The following PCDH11X variants were observed in gnomAD, a reference collection of about 807,000 sequenced individuals.
PCDH11X encodes the protein protocadherin 11 X-linked.
Under a neutral mutation model 53.3 loss-of-function variants are expected in PCDH11X, and 18 were observed. The ratio of observed to expected loss-of-function variants is 0.34; its 90% CI spans 0.23 to 0.50. The LOEUF is 0.50. Ranked by LOEUF, PCDH11X falls within the 20% of genes least tolerant of loss-of-function variation. The pLI is 0.98. For missense variants in PCDH11X, 570 were observed against 1,032.4 expected, an observed-to-expected ratio of 0.55 and a Z score of 6.14; for synonymous variants, 279 against 393.3, an observed-to-expected ratio of 0.71 and a Z score of 3.44.
intron 8 of PCDH11X, among the ~76,000 whole-genome samples, chrX:92,386,861 G>A (rs1172614976): frequency 9.7e-6 from 1 of 103,614 alleles, no homozygotes; most frequent in Non-Finnish European, 2.0e-5. Flanking sequence ...AAGCTACAAG[G>A]TTTGATTACA....
rs2074648724 is a variant in PCDH11X at position 92,535,859 on chromosome X, G to T, written c.3367+67537G>T. On this transcript the variant is annotated intron_variant, in intron 10 of 10. Coordinates refer to ENST00000682573, the MANE Select transcript of PCDH11X (RefSeq NM_032968.5). ...CTTAAGTCTTTCCTATCCTAAAATT[G>T]ACAAAAGATTTTAAGAAGCTTAATT... Among the ~76,000 whole-genome samples, 3 of 109,578 alleles carry T rather than the reference G, an allele frequency of 2.7e-5. 1 individual carries two copies. In the South Asian group the frequency reaches 1.2e-3, roughly 44 times the overall value.
intron 1 of PCDH11X, among the ~76,000 whole-genome samples, chrX:91,783,573 A>G (rs1209651735): frequency 3.6e-5 from 4 of 112,144 alleles, no homozygotes; most frequent in African/African-American, 9.7e-5. Context: ...GAAAGCAGAA[A>G]ATTCTTTTTC....
At chrX:92,098,783 G>A (rs1473321198) in intron 6 of PCDH11X, among the ~76,000 whole-genome samples, 1 of 108,974 alleles carries the variant, frequency 9.2e-6, no homozygotes, top group Non-Finnish European at 1.9e-5. Flanking sequence ...GAGTAGCTGG[G>A]ATTACAGGCA....
At chrX:92,361,146 C>G (rs2070337864) in intron 8 of PCDH11X, among the ~76,000 whole-genome samples, 1 of 110,329 alleles carries the variant, frequency 9.1e-6, no homozygotes, top group Admixed American at 9.7e-5. Flanking sequence ...CTTCTCTTGT[C>G]TATACTTTTC....
chrX:92,104,408 G>A (rs1333591917), intron 6 of PCDH11X, among the ~76,000 whole-genome samples: 1 of 110,700 alleles, frequency 9.0e-6, no homozygotes, highest in Non-Finnish European at 1.9e-5. Flanking sequence ...GTTGCACTGG[G>A]CACAGAGACT....
At chrX:92,384,779 G>A (rs989884557) in intron 8 of PCDH11X, among the ~76,000 whole-genome samples, 12 of 106,889 alleles carry the variant, frequency 1.1e-4, no homozygotes, top group Non-Finnish European at 2.1e-4. Context: ...CTTAGGAGCA[G>A]TTTAGGGAGG....
intron 7 of PCDH11X, among the ~76,000 whole-genome samples, chrX:92,217,761 C>A (rs1308725593): frequency 9.0e-6 from 1 of 111,110 alleles, no homozygotes; most frequent in Non-Finnish European, 1.9e-5. Context: ...TTGTTTTCAG[C>A]ACCACACCAC....
At chrX:91,880,785 C>T (rs2563397) in intron 6 of PCDH11X, among the ~76,000 whole-genome samples, 1 of 111,052 alleles carries the variant, frequency 9.0e-6, no homozygotes, top group Non-Finnish European at 1.9e-5. Flanking sequence ...GGGCAACAAA[C>T]GTTAAGAGAT....
At chrX:92,215,642 A>G (rs2066688338) in intron 7 of PCDH11X, among the ~76,000 whole-genome samples, 1 of 87,305 alleles carries the variant, frequency 1.1e-5, no homozygotes, top group African/African-American at 4.1e-5. Flanking sequence ...ACAAACAAAA[A>G]GACAGCAGTA....
intron 8 of PCDH11X, among the ~76,000 whole-genome samples, chrX:92,340,524 C>G (rs1263834053): frequency 8.9e-6 from 1 of 112,170 alleles, no homozygotes; most frequent in African/African-American, 3.2e-5. Flanking sequence ...ACTCAGTGCA[C>G]CCACAGGCTT....
chrX:91,917,813 GA>G (rs1320248837), intron 6 of PCDH11X, among the ~76,000 whole-genome samples: 24 of 109,625 alleles, frequency 2.2e-4, no homozygotes, highest in African/African-American at 7.9e-4. Context: ...CACAGAACCA[GA>G]AAAAAACTAT....
chrX:92,105,444 C>T (rs1402453085), intron 6 of PCDH11X, among the ~76,000 whole-genome samples: 3 of 110,036 alleles, frequency 2.7e-5, no homozygotes, highest in Non-Finnish European at 5.7e-5. Context: ...ATTTCATGCG[C>T]GTCCGTGTGA....
chrX:92,400,009 C>G (rs1205454664), intron 9 of PCDH11X, among the ~76,000 whole-genome samples: 1 of 106,928 alleles, frequency 9.4e-6, no homozygotes, highest in African/African-American at 3.4e-5. Context: ...CCTCGGCCTC[C>G]CAAAGTGCTG....
At chrX:92,570,015 CAAAAAAAA>C (rs766388753) in intron 10 of PCDH11X, among the ~76,000 whole-genome samples, 14 of 32,052 alleles carry the variant, frequency 4.4e-4, no homozygotes, top group African/African-American at 1.3e-3. Flanking sequence ...GACTCAGTCT[CAAAAAAAA>C]AAAAAAAAAA....
At chrX:92,273,156 G>C (rs952390658) in intron 8 of PCDH11X, among the ~76,000 whole-genome samples, 2 of 111,627 alleles carry the variant, frequency 1.8e-5, no homozygotes, top group Non-Finnish European at 1.9e-5. Flanking sequence ...TTTCACCTGG[G>C]TGCAGGCGGG....
At chrX:92,071,278 A>C (rs2063698635) in intron 6 of PCDH11X, among the ~76,000 whole-genome samples, 1 of 111,132 alleles carries the variant, frequency 9.0e-6, no homozygotes, top group Admixed American at 9.6e-5. Context: ...TATTAAGAGA[A>C]TCTGATGCAT....
intron 5 of PCDH11X, among the ~76,000 whole-genome samples, chrX:91,864,096 C>T (rs60233577): frequency 0.01 from 1,151 of 111,100 alleles, 17 homozygotes; most frequent in African/African-American, 0.036. Flanking sequence ...ACTTTTGTAC[C>T]TCCAGGTGAT....
At chrX:92,265,582 T>C (rs1297475869) in intron 8 of PCDH11X, among the ~76,000 whole-genome samples, 2 of 112,129 alleles carry the variant, frequency 1.8e-5, no homozygotes, top group African/African-American at 3.2e-5. Context: ...CATATACATA[T>C]ATGTGTGTAT....
At chrX:92,578,355 A>G (rs1923226400) in intron 10 of PCDH11X, among the ~76,000 whole-genome samples, 1 of 109,484 alleles carries the variant, frequency 9.1e-6, no homozygotes, top group Non-Finnish European at 1.9e-5. Flanking sequence ...AACTTAATGT[A>G]TAATAAAAAT....
Sources: allele counts gnomAD v4.1 joint callset (sites outside exome capture counted in the v4.1 genomes callset), GRCh38; gene constraint gnomAD v4.1.1; transcripts MANE v1.5; gene names NCBI Gene and HGNC (gene_info 2026-07-23, HGNC 2026-07-21).